Variants in SMYD3 observed in about 807,000 individuals in gnomAD.
SMYD3 encodes the protein SET and MYND domain containing 3.
SMYD3 carries 36 observed loss-of-function variants against 57.7 expected under a neutral mutation model. That is an observed-to-expected ratio of 0.62 (90% CI 0.48 to 0.82). The LOEUF (loss-of-function observed/expected upper bound fraction) is 0.82, where lower values mean the gene tolerates loss of function less well. Ranked by LOEUF, SMYD3 falls within the 40% of genes least tolerant of loss-of-function variation. SMYD3 has a pLI of 0.00. For missense variants in SMYD3, 515 were observed against 538.8 expected (o/e 0.96, Z 0.44); for synonymous variants, 211 against 195.0 (o/e 1.08, Z -0.68).
intron 5 of SMYD3, among the ~76,000 whole-genome samples, chr1:246,269,562 G>GTTGTT (rs1362040484): frequency 6.8e-5 from 6 of 88,812 alleles, no homozygotes; most frequent in South Asian, 4.1e-4. Context: ...TTTTGTTTTT[G>GTTGTT]TTGTTTTGTT....
rs752754685 is a variant in SMYD3 at position 246,335,405 on chromosome 1, C to G, written c.298G>C (p.Asp100His). The change falls in exon 3 of 12, where the codon GAC (aspartate) becomes CAC (histidine). Residue 100 changes from aspartate to histidine, a missense_variant. Transcript: ENST00000490107. ...ACTCTGCCAAGAAGTCGAACGGAGT[C>G]TGGAGGATATCTGGGTTTGCAGCTT... ...LKSCKPRYPP[D>H]SVRLLGRVVF... 46 of 1,613,970 alleles carry G rather than the reference C, an allele frequency of 2.9e-5. No individual in the cohort carries two copies. Among genetic ancestry groups the G allele is most frequent in the Non-Finnish European group, 3.5e-5 (41 of 1,179,998 alleles).
chr1:245,923,323 C>A (rs1332522676), intron 7 of SMYD3, among the ~76,000 whole-genome samples: 2 of 151,966 alleles, frequency 1.3e-5, no homozygotes, highest in South Asian at 2.1e-4. Context: ...TCTGGCCACG[C>A]AGTTCCTTTG....
At chr1:246,152,306 C>T (rs1446573274) in intron 5 of SMYD3, among the ~76,000 whole-genome samples, 1 of 152,102 alleles carries the variant, frequency 6.6e-6, no homozygotes, top group Admixed American at 6.5e-5. Flanking sequence ...ATCCTGGGGA[C>T]AAGGGTGTAG....
chr1:246,373,745 G>C (rs2066225479), intron 1 of SMYD3, among the ~76,000 whole-genome samples: 2 of 152,016 alleles, frequency 1.3e-5, no homozygotes, highest in Non-Finnish European at 1.5e-5. Context: ...CATTTTCTTT[G>C]ACTTATATGA....
chr1:246,247,511 T>C (rs1215935928), intron 5 of SMYD3, among the ~76,000 whole-genome samples: 2 of 145,308 alleles, frequency 1.4e-5, no homozygotes, highest in African/African-American at 5.1e-5. Flanking sequence ...CTCATATATA[T>C]ATATATACAC....
chr1:246,178,205 A>T (rs1358739758), intron 5 of SMYD3, among the ~76,000 whole-genome samples: 1 of 152,170 alleles, frequency 6.6e-6, no homozygotes, highest in Non-Finnish European at 1.5e-5. Flanking sequence ...ATTGCCAGTC[A>T]CCTGAATGAA....
intron 5 of SMYD3, among the ~76,000 whole-genome samples, chr1:246,023,954 GA>G (rs1398721003): frequency 6.6e-6 from 1 of 151,936 alleles, no homozygotes; most frequent in Non-Finnish European, 1.5e-5. Flanking sequence ...AAAAAATAAA[GA>G]ATAAAGACAG....
At chr1:246,451,203 A>G (rs1293707834) in intron 1 of SMYD3, among the ~76,000 whole-genome samples, 1 of 152,232 alleles carries the variant, frequency 6.6e-6, no homozygotes, top group Non-Finnish European at 1.5e-5. Flanking sequence ...TAGCTGACTG[A>G]CAAGATTCTG....
chr1:245,825,231 T>G (rs1374278688), intron 10 of SMYD3, among the ~76,000 whole-genome samples: 2 of 152,204 alleles, frequency 1.3e-5, no homozygotes, highest in African/African-American at 4.8e-5. Flanking sequence ...GCCATCACTC[T>G]TGGGAAGCTT....
At chr1:246,478,434 A>G (rs1025559487) in intron 1 of SMYD3, among the ~76,000 whole-genome samples, 6 of 143,196 alleles carry the variant, frequency 4.2e-5, no homozygotes, top group East Asian at 2.2e-4. Flanking sequence ...CTGGTACATA[A>G]GTGCTCATAT....
chr1:245,773,183 C>T (rs2046409609), intron 10 of SMYD3, among the ~76,000 whole-genome samples: 1 of 150,098 alleles, frequency 6.7e-6, no homozygotes, highest in South Asian at 2.2e-4. Flanking sequence ...ACCACTTGAA[C>T]TACTGCTACA....
intron 1 of SMYD3, among the ~76,000 whole-genome samples, chr1:246,399,454 C>T (rs1572462411): frequency 6.6e-6 from 1 of 152,326 alleles, no homozygotes. Flanking sequence ...CCCGCCTCAG[C>T]CTCCCAAGTA....
chr1:245,800,288 A>G (rs1401797074), intron 10 of SMYD3, among the ~76,000 whole-genome samples: 3 of 152,006 alleles, frequency 2.0e-5, no homozygotes, highest in Admixed American at 2.0e-4. Flanking sequence ...AGGTCCTTCC[A>G]TCGGAAGCTC....
chr1:246,411,900 C>T (rs1267791170), intron 1 of SMYD3, among the ~76,000 whole-genome samples: 4 of 148,378 alleles, frequency 2.7e-5, no homozygotes, highest in Non-Finnish European at 5.9e-5. Context: ...GGGTGCAGCA[C>T]ACTAACATGG....
chr1:245,828,795 C>T (rs909353267), intron 10 of SMYD3, among the ~76,000 whole-genome samples: 6 of 151,894 alleles, frequency 4.0e-5, no homozygotes, highest in Admixed American at 6.6e-5. Context: ...CTCCGCTTCC[C>T]GGGTTCAAGC....
intron 5 of SMYD3, among the ~76,000 whole-genome samples, chr1:246,289,749 C>A (rs1481006161): frequency 2.0e-5 from 3 of 152,094 alleles, no homozygotes; most frequent in African/African-American, 7.2e-5. Flanking sequence ...GGAGATTTTA[C>A]CTGCATCTAA....
chr1:245,755,528 G>A (rs921838753), intron 11 of SMYD3, among the ~76,000 whole-genome samples: 7 of 152,040 alleles, frequency 4.6e-5, no homozygotes, highest in African/African-American at 1.7e-4. Flanking sequence ...TCTCCTTTCA[G>A]TTCTATCAGT....
chr1:246,120,420 C>T (rs1225039280), intron 5 of SMYD3, among the ~76,000 whole-genome samples: 1 of 152,140 alleles, frequency 6.6e-6, no homozygotes, highest in Non-Finnish European at 1.5e-5. Context: ...AGTCCCCCTT[C>T]CTAAACTCAA....
At chr1:246,016,475 C>T (rs1490527220) in intron 5 of SMYD3, among the ~76,000 whole-genome samples, 3 of 150,264 alleles carry the variant, frequency 2.0e-5, no homozygotes, top group Non-Finnish European at 3.0e-5. Flanking sequence ...CCCAGCTACT[C>T]GGGAGGCTGA....
Sources: gnomAD v4.1 joint callset for allele counts (sites outside exome capture counted in the v4.1 genomes callset) on GRCh38, gnomAD v4.1.1 for gene constraint, MANE v1.5 for transcripts, NCBI Gene and HGNC (gene_info 2026-07-23, HGNC 2026-07-21) for gene names.